TRHDE: variants seen among roughly 807,000 people sequenced by gnomAD.
TRHDE encodes the protein thyrotropin-releasing hormone-degrading ectoenzyme.
TRHDE carries 72 observed loss-of-function variants against 125.7 expected under a neutral mutation model. The ratio of observed to expected loss-of-function variants is 0.57; its 90% CI spans 0.47 to 0.70. The LOEUF (loss-of-function observed/expected upper bound fraction) is 0.70, where lower values mean the gene tolerates loss of function less well. Among genes scored for constraint, TRHDE ranks in the 30% least tolerant of loss-of-function variants. The pLI is 0.00. For missense variants in TRHDE, 1,110 were observed against 1,327.1 expected (o/e 0.84, Z 2.54); for synonymous variants, 509 against 509.1 (o/e 1.00, Z 0.00).
chr12:72,218,230 C>A (rs1166196420), intron 2 of TRHDE, among the ~76,000 whole-genome samples: 3 of 152,088 alleles, frequency 2.0e-5, no homozygotes, highest in African/African-American at 7.2e-5. Context: ...AAAATGTTAT[C>A]ATTGTGGCTT....
At chr12:72,275,187 C>T (rs146877844) in intron 1 of TRHDE, among the ~76,000 whole-genome samples, 57 of 152,308 alleles carry the variant, frequency 3.7e-4, no homozygotes, top group Non-Finnish European at 6.0e-4. Flanking sequence ...TCTCTAATCC[C>T]TGGACCAGAC....
chr12:72,487,406 T>C (rs1877465827), intron 5 of TRHDE, among the ~76,000 whole-genome samples: 3 of 152,102 alleles, frequency 2.0e-5, no homozygotes, highest in Admixed American at 6.5e-5. Flanking sequence ...AGCATAGTCA[T>C]ATATAAGGAG....
intron 3 of TRHDE, among the ~76,000 whole-genome samples, chr12:72,400,079 A>G (rs537526028): frequency 6.6e-6 from 1 of 152,220 alleles, no homozygotes; most frequent in South Asian, 2.1e-4. Flanking sequence ...GGGTATTGAC[A>G]ACTGGGTGTC....
intron 2 of TRHDE, among the ~76,000 whole-genome samples, chr12:72,209,220 C>T (rs569026633): frequency 6.6e-6 from 1 of 152,224 alleles, no homozygotes; most frequent in South Asian, 2.1e-4. Flanking sequence ...ATTTTGCCCT[C>T]GCTCATCTCA....
intron 2 of TRHDE, among the ~76,000 whole-genome samples, chr12:72,233,168 GAGCTCTGGA>G (rs778860341): frequency 6.6e-5 from 10 of 152,108 alleles, no homozygotes; most frequent in Non-Finnish European, 1.3e-4. Context: ...TTTAGTAATA[GAGCTCTGGA>G]CAATGAACCA....
intron 12 of TRHDE, among the ~76,000 whole-genome samples, chr12:72,577,335 G>A (rs972510326): frequency 7.2e-5 from 11 of 152,060 alleles, no homozygotes; most frequent in African/African-American, 2.7e-4. Context: ...AAGATATGTA[G>A]ATAGATATTA....
chr12:72,621,852 GA>G (rs1873066465), intron 15 of TRHDE, 101 bp downstream of exon 15: 1 of 910,702 alleles, frequency 1.1e-6, no homozygotes, highest in Middle Eastern at 3.0e-4. Context: ...ACAAGATAAG[GA>G]AAAACAAAAG....
At chr12:72,586,679 C>T (rs992428801) in intron 12 of TRHDE, among the ~76,000 whole-genome samples, 12 of 151,692 alleles carry the variant, frequency 7.9e-5, no homozygotes, top group East Asian at 1.9e-4. Context: ...ACGCCTCTAA[C>T]GGGAGGTAGC....
At chr12:72,236,508 C>A (rs1032200939) in intron 2 of TRHDE, among the ~76,000 whole-genome samples, 1 of 149,788 alleles carries the variant, frequency 6.7e-6, no homozygotes, top group African/African-American at 2.4e-5. Flanking sequence ...ATAGTCCTTT[C>A]TCCTCTTAAA....
At chr12:72,090,820 A>G (rs1390188819) in intron 1 of TRHDE, among the ~76,000 whole-genome samples, 3 of 151,396 alleles carry the variant, frequency 2.0e-5, no homozygotes, top group Non-Finnish European at 4.4e-5. Context: ...TGCATGTTTT[A>G]TTTTTAGTTA....
intron 3 of TRHDE, among the ~76,000 whole-genome samples, chr12:72,459,737 A>G (rs1261885656): frequency 1.3e-5 from 2 of 152,124 alleles, no homozygotes; most frequent in Admixed American, 1.3e-4. Flanking sequence ...CTCCAACCTC[A>G]GCCTCCAAAG....
chr12:72,582,161 G>A (rs903371157), intron 12 of TRHDE: 9 of 656,402 alleles, frequency 1.4e-5, no homozygotes, highest in Non-Finnish European at 1.7e-5. Context: ...CATCAGTAGT[G>A]CATAATATAT....
chr12:72,595,312 AG>A (rs1871889118), intron 12 of TRHDE, among the ~76,000 whole-genome samples: 1 of 151,986 alleles, frequency 6.6e-6, no homozygotes, highest in Non-Finnish European at 1.5e-5. Flanking sequence ...AACAAAATAA[AG>A]GATATTTTTG....
intron 2 of TRHDE, among the ~76,000 whole-genome samples, chr12:72,300,524 C>T (rs1372745016): frequency 6.6e-6 from 1 of 151,212 alleles, no homozygotes; most frequent in Non-Finnish European, 1.5e-5. Flanking sequence ...TATTTAGCAT[C>T]TTGGGAGGCT....
chr12:72,313,269 A>G (rs533923336), intron 2 of TRHDE, among the ~76,000 whole-genome samples: 2 of 152,002 alleles, frequency 1.3e-5, no homozygotes, highest in South Asian at 4.1e-4. Flanking sequence ...CCAAATATTC[A>G]TACAAGTTTT....
At chr12:72,525,601 T>TGTGTGTG (rs1868317196) in intron 6 of TRHDE, among the ~76,000 whole-genome samples, 2 of 127,672 alleles carry the variant, frequency 1.6e-5, no homozygotes, top group African/African-American at 6.5e-5. Flanking sequence ...TGTGTGTGGT[T>TGTGTGTG]TGTGTGTGTG....
intron 12 of TRHDE, among the ~76,000 whole-genome samples, chr12:72,594,408 G>T (rs551393750): frequency 9.2e-5 from 14 of 151,444 alleles, no homozygotes; most frequent in Admixed American, 5.9e-4. Flanking sequence ...AGTGGAGACG[G>T]GTTTTCTCCA....
chr12:72,119,064 T>C (rs568166688), intron 2 of TRHDE, among the ~76,000 whole-genome samples: 3 of 152,078 alleles, frequency 2.0e-5, no homozygotes, highest in Non-Finnish European at 4.4e-5. Context: ...GATCTTTATT[T>C]ATTTTTTCTA....
intron 2 of TRHDE, among the ~76,000 whole-genome samples, chr12:72,187,512 A>T (rs1242440560): frequency 8.2e-5 from 11 of 134,340 alleles, no homozygotes; most frequent in South Asian, 5.8e-4. Context: ...GTGGTGGAGG[A>T]GGAGGAGGAG....
Sources: allele counts gnomAD v4.1 joint callset (sites outside exome capture counted in the v4.1 genomes callset), GRCh38; gene constraint gnomAD v4.1.1; transcripts MANE v1.5; gene names NCBI Gene and HGNC (gene_info 2026-07-23, HGNC 2026-07-21).